The following SLC10A7 variants were observed in gnomAD, a reference collection of about 807,000 sequenced individuals.
The protein encoded by SLC10A7 is solute carrier family 10 member 7.
In SLC10A7, 29 loss-of-function variants were observed where a neutral mutation model predicts 43.2. That is an observed-to-expected ratio of 0.67 (90% CI 0.50 to 0.92). SLC10A7 has a LOEUF of 0.92. SLC10A7 is among the 40% of genes least tolerant of loss of function. SLC10A7 has a pLI of 0.00. For synonymous variants in SLC10A7, 152 were observed against 144.8 expected (o/e 1.05, Z -0.35); for missense variants, 295 against 403.2 (o/e 0.73, Z 2.30).
intron 5 of SLC10A7, among the ~76,000 whole-genome samples, chr4:146,395,297 G>T (rs1160430534): frequency 6.6e-6 from 1 of 152,180 alleles, no homozygotes; most frequent in African/African-American, 2.4e-5. Flanking sequence ...GCTGAGGCAG[G>T]AGGATTGCTT....
intron 9 of SLC10A7, among the ~76,000 whole-genome samples, chr4:146,284,713 A>T (rs1461919780): frequency 6.6e-6 from 1 of 152,192 alleles, no homozygotes; most frequent in African/African-American, 2.4e-5. Flanking sequence ...TCTACATTTT[A>T]TTCTCATATT....
intron 4 of SLC10A7, among the ~76,000 whole-genome samples, chr4:146,484,254 T>C (rs1734732664): frequency 6.6e-6 from 1 of 152,200 alleles, no homozygotes. Flanking sequence ...CTCAGGAGGC[T>C]GAGGCAGAAG....
At chr4:146,308,814 T>C (rs1454498742) in intron 6 of SLC10A7, among the ~76,000 whole-genome samples, 1 of 152,144 alleles carries the variant, frequency 6.6e-6, no homozygotes, top group Non-Finnish European at 1.5e-5. Flanking sequence ...AGGAGAAAAC[T>C]CACCATTAGC....
At chr4:146,476,347 G>T (rs536599512) in intron 4 of SLC10A7, among the ~76,000 whole-genome samples, 1 of 152,174 alleles carries the variant, frequency 6.6e-6, no homozygotes, top group Admixed American at 6.5e-5. Context: ...AGGCGGAGGC[G>T]AGAGGCAGGG....
intron 10 of SLC10A7, among the ~76,000 whole-genome samples, chr4:146,271,133 T>G (rs1388795004): frequency 1.3e-5 from 2 of 152,200 alleles, no homozygotes; most frequent in Non-Finnish European, 2.9e-5. Flanking sequence ...CTTAGTGATC[T>G]CATCCAATCT....
chr4:146,350,093 G>A (rs2149741404), intron 5 of SLC10A7, among the ~76,000 whole-genome samples: 1 of 151,618 alleles, frequency 6.6e-6, no homozygotes, highest in South Asian at 2.1e-4. Flanking sequence ...CAGAAGACGG[G>A]TGATTTCTGC....
intron 5 of SLC10A7, among the ~76,000 whole-genome samples, chr4:146,430,573 C>T (rs768263387): frequency 6.6e-6 from 1 of 152,086 alleles, no homozygotes; most frequent in African/African-American, 2.4e-5. Context: ...TTGAACTGTA[C>T]ACCAACTACT....
chr4:146,504,069 C>G, intron 3 of SLC10A7, 145 bp from the exon 4 acceptor site: 1 of 715,446 alleles, frequency 1.4e-6, no homozygotes, highest in South Asian at 1.7e-5. Flanking sequence ...TTAGACAAGT[C>G]TACACAAGGC....
intron 5 of SLC10A7, among the ~76,000 whole-genome samples, chr4:146,402,571 G>A (rs1334687008): frequency 6.6e-6 from 1 of 152,020 alleles, no homozygotes; most frequent in Non-Finnish European, 1.5e-5. Context: ...GCTGCCTCAA[G>A]GGGAGGGAAG....
intron 4 of SLC10A7, among the ~76,000 whole-genome samples, chr4:146,466,718 C>T (rs1733068364): frequency 6.6e-6 from 1 of 151,974 alleles, no homozygotes; most frequent in Non-Finnish European, 1.5e-5. Flanking sequence ...CAAAATAACC[C>T]TATGAGGTAA....
At chr4:146,442,185 A>C in intron 5 of SLC10A7, 5 of 969,716 alleles carry the variant, frequency 5.2e-6, no homozygotes, top group Non-Finnish European at 4.9e-6. Context: ...AAATGCTAAA[A>C]CAACGTCCTT....
At chr4:146,256,591 A>C in intron 11 of SLC10A7, 71 bp from the exon 12 acceptor site, 2 of 1,501,098 alleles carry the variant, frequency 1.3e-6, no homozygotes, top group South Asian at 2.3e-5. Flanking sequence ...AATTAACACC[A>C]GATAATTTAT....
chr4:146,335,607 C>T (rs1392960339), intron 5 of SLC10A7, among the ~76,000 whole-genome samples: 2 of 151,978 alleles, frequency 1.3e-5, no homozygotes, highest in Non-Finnish European at 2.9e-5. Context: ...TCCCGCAGAC[C>T]AACCCAGTTG....
At chr4:146,503,583 G>A (rs1241342447) in intron 4 of SLC10A7, among the ~76,000 whole-genome samples, 2 of 152,080 alleles carry the variant, frequency 1.3e-5, no homozygotes, top group African/African-American at 4.8e-5. Context: ...TCTGTCCTTT[G>A]TCTCCCAATT....
rs370372165 is a variant in SLC10A7, at chr4:146,294,104, C to G, written c.556-9G>C. 6.4e-6 allele frequency: 10 copies of G among 1,557,722 alleles called. No homozygotes were observed. In the African/African-American group the frequency reaches 1.4e-4, roughly 21 times the overall value. ...ATGTATCTTCGGACAATCTGAAATA[C>G]AGAGATCAACAGGTTGCCTCTTTTC... On this transcript the variant is annotated splice_polypyrimidine_tract_variant and intron_variant, in intron 7 of 11. Transcript: ENST00000335472.
chr4:146,445,866 GCTTCTCT>G lies in SLC10A7; in HGVS notation c.397-3052_397-3046del, dbSNP rs374059152. Among the ~76,000 whole-genome samples the G allele has an allele frequency of 1.3e-4, 19 of 149,794 alleles. No homozygotes were observed. The East Asian group carries it at 1.6e-3, about 13-fold the overall frequency. ...CCTCTTCTCCTCTGGTTGTTCAAAC[GCTTCTCT>G]CTTCTCTCTTCTCTCTTCTGTGTGT... On this transcript the variant is annotated intron_variant, in intron 4 of 11. Transcript: ENST00000335472.
At chr4:146,309,770 T>C (rs1560785840) in intron 6 of SLC10A7, among the ~76,000 whole-genome samples, 1 of 152,186 alleles carries the variant, frequency 6.6e-6, no homozygotes. Flanking sequence ...TAGTAACATT[T>C]ATCGTGCACT....
At position 146,287,014 on chromosome 4, in the gene SLC10A7, GGAGTGGTGAGAAGGACTGAGTTTA is replaced by G. The variant is rs1560764588; in HGVS notation, c.774-3773_774-3750del. Among the ~76,000 whole-genome samples the G allele has an allele frequency of 1.4e-3, 217 of 150,850 alleles. 1 individual carries two copies. The highest frequency in any genetic ancestry group is 2.9e-3 in the African/African-American group (119 of 41,226). ...TGGAGTGGTGAGAAGGACTGTGTTT[GGAGTGGTGAGAAGGACTGAGTTTA>G]GAGTGGTGAGAGGGACTGAGTTTGG... On this transcript the variant is annotated intron_variant, in intron 9 of 11. Transcript: ENST00000335472.
intron 5 of SLC10A7, among the ~76,000 whole-genome samples, chr4:146,373,385 G>A (rs749514623): frequency 6.7e-6 from 1 of 149,726 alleles, no homozygotes; most frequent in Non-Finnish European, 1.5e-5. Flanking sequence ...GAGGTGGGAC[G>A]ATAGCTTGAG....
Sources: allele counts gnomAD v4.1 joint callset (sites outside exome capture counted in the v4.1 genomes callset), GRCh38; gene constraint gnomAD v4.1.1; transcripts MANE v1.5; gene names NCBI Gene and HGNC (gene_info 2026-07-23, HGNC 2026-07-21).